Variants in SLC4A5 observed in about 807,000 individuals in gnomAD.
SLC4A5 encodes electrogenic sodium bicarbonate cotransporter 4.
Under a neutral mutation model 120.4 loss-of-function variants are expected in SLC4A5, and 96 were observed. The observed-to-expected ratio is 0.80, with a 90% CI of 0.68 to 0.94. SLC4A5 has a LOEUF of 0.94. SLC4A5 is among the 40% of genes least tolerant of loss of function. The pLI is 0.00. For synonymous variants in SLC4A5, 550 were observed against 571.1 expected (o/e 0.96, Z 0.53); for missense variants, 1,259 against 1,459.5 (o/e 0.86, Z 2.24).
At chr2:74,232,107 G>A (rs1188436667) in intron 24 of SLC4A5, among the ~76,000 whole-genome samples, 1 of 152,208 alleles carries the variant, frequency 6.6e-6, no homozygotes, top group Non-Finnish European at 1.5e-5. Flanking sequence ...TGAACCCGCA[G>A]GAGGGCCATC....
chr2:74,221,439 G>T, exon 30 of SLC4A5: 1 of 1,611,920 alleles, frequency 6.2e-7, no homozygotes, highest in Non-Finnish European at 8.5e-7. Context: ...TTTACCTTCG[G>T]TCAAGTTCTG....
At chr2:74,224,331 G>A (rs549466460) in intron 28 of SLC4A5, among the ~76,000 whole-genome samples, 5 of 152,182 alleles carry the variant, frequency 3.3e-5, no homozygotes, top group South Asian at 2.1e-4. Flanking sequence ...TCCTTTTGGC[G>A]AGGATACCTG....
At chr2:74,327,399 A>T (rs185967364) in intron 5 of SLC4A5, among the ~76,000 whole-genome samples, 4 of 152,336 alleles carry the variant, frequency 2.6e-5, no homozygotes, top group East Asian at 1.9e-4. Flanking sequence ...ATCGACAAGA[A>T]TGACACGGGG....
rs367811889 is a variant in SLC4A5 at position 74,254,481 on chromosome 2, A to C, written c.1113+138T>G. On this transcript the variant is annotated intron_variant, in intron 14 of 30. Transcript: ENST00000394019. ...ACAATGACTATTCCCTGATTCTCAT[A>C]ATCTTTAGCATCCTATGTAGTGCCT... 191 of 695,518 alleles carry C rather than the reference A, an allele frequency of 2.7e-4. 4 individuals carry two copies. The highest frequency in any genetic ancestry group is 1.8e-3 in the East Asian group (71 of 40,114). 43.1% of individuals were successfully genotyped at this position (695,518 alleles called of 1,614,324 possible).
intron 5 of SLC4A5, among the ~76,000 whole-genome samples, chr2:74,325,034 CCTT>C (rs1474892912): frequency 6.6e-6 from 1 of 152,186 alleles, no homozygotes; most frequent in East Asian, 1.9e-4. Context: ...TTTGAACTGT[CCTT>C]CTCAGTTGTG....
chr2:74,248,346 C>T lies in SLC4A5; in HGVS notation c.1787+7G>A. ...GCAGGCACTGGGGGCCACCAAGGGACACCTACTTGCTGAAGTCGAAGAGGA... is the reference window on the plus strand; with the variant it reads ...GCAGGCACTGGGGGCCACCAAGGGATACCTACTTGCTGAAGTCGAAGAGGA... On this transcript the variant is annotated splice_region_variant and intron_variant, in intron 18 of 30. Coordinates refer to ENST00000394019, the Ensembl canonical transcript of SLC4A5. 3 of 1,613,732 alleles carry T rather than the reference C, an allele frequency of 1.9e-6. No homozygotes were observed. The highest frequency in any genetic ancestry group is 1.1e-5 in the South Asian group (1 of 91,062).
At chr2:74,287,565 G>C (rs763186880) in intron 7 of SLC4A5, among the ~76,000 whole-genome samples, 17 of 152,138 alleles carry the variant, frequency 1.1e-4, no homozygotes, top group Non-Finnish European at 1.8e-4. Flanking sequence ...CCCACTGTAA[G>C]GGTTTCCCCT....
intron 6 of SLC4A5, 22 bp from the exon 7 acceptor site, chr2:74,304,702 CA>C: frequency 6.3e-7 from 1 of 1,586,392 alleles, no homozygotes. Flanking sequence ...GCACAAAAGA[CA>C]GGGGAGGCAG....
chr2:74,254,781 C>T (rs1013022774), intron 13 of SLC4A5, 75 bp from the exon 14 acceptor site: 1 of 1,120,016 alleles, frequency 8.9e-7, no homozygotes, highest in Non-Finnish European at 1.3e-6. Context: ...AAAACAGAAG[C>T]AAGTGAAGAG....
exon 23 of SLC4A5, chr2:74,233,452 C>T (rs757159130): frequency 6.2e-7 from 1 of 1,614,230 alleles, no homozygotes. Flanking sequence ...ATCTGCTGGT[C>T]CATGAAGATC....
chr2:74,244,082 G>A (rs894147849), intron 19 of SLC4A5, among the ~76,000 whole-genome samples: 1 of 152,216 alleles, frequency 6.6e-6, no homozygotes, highest in Admixed American at 6.5e-5. Context: ...CATGGACCGG[G>A]AAAGAAACCC....
intron 7 of SLC4A5, chr2:74,290,401 T>G: frequency 2.0e-6 from 2 of 979,338 alleles, no homozygotes; most frequent in Non-Finnish European, 2.4e-6. Flanking sequence ...CCAGGGGAGG[T>G]GTGGGGAGAG....
At chr2:74,317,352 G>T (rs1558911902) in intron 5 of SLC4A5, among the ~76,000 whole-genome samples, 4 of 150,554 alleles carry the variant, frequency 2.7e-5, no homozygotes, top group Admixed American at 2.0e-4. Context: ...GGAACAGATA[G>T]TTTTTTTTTT....
intron 25 of SLC4A5, among the ~76,000 whole-genome samples, chr2:74,229,247 G>A (rs778036649): frequency 6.0e-5 from 8 of 134,254 alleles, no homozygotes; most frequent in Non-Finnish European, 8.2e-5. Context: ...ATTCGAAGGT[G>A]TTTTTTTTTT....
At chr2:74,252,508 C>T in intron 15 of SLC4A5, 120 bp from the exon 16 acceptor site, 3 of 1,155,548 alleles carry the variant, frequency 2.6e-6, no homozygotes, top group Non-Finnish European at 3.7e-6. Context: ...TAACAATATC[C>T]ACACGCAGGT....
intron 12 of SLC4A5, 120 bp downstream of exon 12, chr2:74,259,468 C>T: frequency 1.7e-6 from 2 of 1,173,990 alleles, no homozygotes; most frequent in Non-Finnish European, 2.5e-6. Context: ...GGGGATCTTC[C>T]TGGAACTCCC....
chr2:74,284,857 C>G (rs113514702), intron 8 of SLC4A5, among the ~76,000 whole-genome samples: 9 of 152,290 alleles, frequency 5.9e-5, no homozygotes, highest in African/African-American at 2.2e-4. Context: ...ACACGCTTTT[C>G]TCCATGGCTC....
intron 6 of SLC4A5, 98 bp downstream of exon 6, chr2:74,314,847 G>C: frequency 8.9e-7 from 1 of 1,121,892 alleles, no homozygotes; most frequent in Non-Finnish European, 1.4e-6. Context: ...AAAGGGACCT[G>C]CTCCCTAGAC....
chr2:74,332,670 A>G (rs1159571544), intron 4 of SLC4A5, among the ~76,000 whole-genome samples: 1 of 151,914 alleles, frequency 6.6e-6, no homozygotes, highest in East Asian at 1.9e-4. Flanking sequence ...GAGAGAGAAA[A>G]GCCAATACAC....
Sources: allele counts gnomAD v4.1 joint callset (sites outside exome capture counted in the v4.1 genomes callset), GRCh38; gene constraint gnomAD v4.1.1; transcripts MANE v1.5; gene names NCBI Gene and HGNC (gene_info 2026-07-23, HGNC 2026-07-21).